C1RL: variants seen among roughly 807,000 people sequenced by gnomAD.
C1RL encodes complement C1r subcomponent like.
A neutral mutation model predicts 27.9 loss-of-function variants in C1RL; 27 were observed. The ratio of observed to expected loss-of-function variants is 0.97; its 90% CI spans 0.71 to 1.33. The LOEUF is 1.33. Ranked by LOEUF, C1RL falls within the 40% of genes most tolerant of loss-of-function variation. The pLI is 0.00. For missense variants in C1RL, 563 were observed against 623.9 expected, an observed-to-expected ratio of 0.90 and a Z score of 1.04; for synonymous variants, 248 against 252.1, an observed-to-expected ratio of 0.98 and a Z score of 0.15.
Position 7,097,049 on chromosome 12 carries a change from C to T in C1RL, c.806G>A (p.Gly269Asp). The T allele has an allele frequency of 1.9e-6, 3 of 1,614,110 alleles. No homozygotes were observed. Among genetic ancestry groups the T allele is most frequent in the South Asian group, 1.1e-5 (1 of 91,086 alleles). Residue 269 changes from glycine (G) to aspartate (D), a missense_variant, in exon 6 of 6, where the codon GGC (glycine) becomes GAC (aspartate). Transcript: ENST00000266542. ...CCATCTGTCCCCCAGCAGGGCCCCG[C>T]CCCCACGGCCGTGGATACTGGTGAA... is the stretch of plus-strand genomic sequence containing the variant. The part of the protein sequence containing the change: ...QAFTSIHGRG[G>D]GALLGDRWIL...
chr12:7,097,270 C>G, intron 5 of C1RL, 107 bp from the exon 6 acceptor site: 1 of 894,704 alleles, frequency 1.1e-6, no homozygotes, highest in Non-Finnish European at 1.6e-6. Context: ...TGAAGAGACT[C>G]TGGGATCAGG....
At chr12:7,108,798 C>G in intron 1 of C1RL, 2 of 552,232 alleles carry the variant, frequency 3.6e-6, no homozygotes, top group Non-Finnish European at 6.4e-6. Context: ...AGATCCCACC[C>G]CACCCTGGGA....
Position 7,100,078 on chromosome 12 carries a change from T to G in C1RL, c.491-52A>C, listed in dbSNP as rs1385393669. ...ACTTGCCAACTGGCAACCCAGGGGC[T>G]GATTCTGGCCCATGGCTATACTTGG... On this transcript the variant is annotated intron_variant, in intron 3 of 5. Coordinates refer to ENST00000266542, the MANE Select transcript of C1RL (RefSeq NM_016546.4). 2.6e-6 allele frequency: 4 copies of G among 1,552,774 alleles called. No homozygotes were observed. The Admixed American group carries it at 7.5e-5, about 29-fold the overall frequency.
Position 7,095,674 on chromosome 12 carries a change from A to C in C1RL, c.*717T>G. The stretch of plus-strand genomic sequence containing the variant: ...AGCGGGTGACACAGCAGGTTAGAGG[A>C]GGGTTGAGAAGTATTGCAGCACACT... On this transcript the variant is annotated 3_prime_UTR_variant, in exon 6 of 6. Transcript: ENST00000266542. 1.0e-6 allele frequency: 1 copy of C among 980,314 alleles called. No homozygotes were observed. Among genetic ancestry groups the C allele is most frequent in the Non-Finnish European group, 1.2e-6 (1 of 825,208 alleles). 60.7% of individuals were successfully genotyped at this position (980,314 alleles called of 1,614,324 possible).
chr12:7,099,677 G>A lies in C1RL; in HGVS notation c.691+9C>T, dbSNP rs1305462289. 6.4e-7 allele frequency: 1 copy of A among 1,552,136 alleles called. No homozygotes were observed. The highest frequency in any genetic ancestry group is 1.2e-5 in the South Asian group (1 of 84,104). ...GTTGGGGGAATGGTGCTAGCAGGTG[G>A]CTACTCACCAGGCATACACTGAAGA... On this transcript the variant is annotated intron_variant, in intron 5 of 5. Transcript: ENST00000266542.
chr12:7,100,057 G>T (rs1323111885), intron 3 of C1RL, 31 bp from the exon 4 acceptor site: 4 of 1,585,246 alleles, frequency 2.5e-6, no homozygotes, highest in Non-Finnish European at 2.6e-6. Context: ...GCACAGACTT[G>T]CCAACTGGCA....
chr12:7,096,856 G>C lies in C1RL; in HGVS notation c.999C>G (p.Ser333=). ...VVHPDYRQNE[S]HNFSGDIALL... ...GGGCGATGTCCCCGCTAAAGTTATGGGACTCATTCTGACGGTAGTCGGGGT... is the reference window on the plus strand; with the variant it reads ...GGGCGATGTCCCCGCTAAAGTTATGCGACTCATTCTGACGGTAGTCGGGGT... Residue 333 remains serine, a synonymous_variant, in exon 6 of 6, where the codon TCC becomes TCG. Coordinates refer to ENST00000266542, the MANE Select transcript of C1RL (RefSeq NM_016546.4). 6.2e-7 allele frequency: 1 copy of C among 1,602,260 alleles called. No homozygotes were observed. The highest frequency in any genetic ancestry group is 1.7e-5 in the Admixed American group (1 of 59,266).
intron 1 of C1RL, 154 bp from the exon 2 acceptor site, chr12:7,108,633 T>G (rs1033028981): frequency 4.9e-6 from 3 of 608,542 alleles, no homozygotes; most frequent in Non-Finnish European, 5.7e-6. Flanking sequence ...GCACTTCCCG[T>G]CTCCTCCCTT....
Position 7,108,238 on chromosome 12 carries a change from A to C in C1RL, c.300+13T>G, listed in dbSNP as rs937280662. The C allele has an allele frequency of 3.8e-6, 6 of 1,571,048 alleles. No individual in the cohort carries two copies. The Admixed American group carries it at 8.7e-5, about 23-fold the overall frequency. On this transcript the variant is annotated intron_variant, in intron 2 of 5. Transcript: ENST00000266542. ...CCACAGTCCTGGCGGGACCCCCCCC[A>C]TCCCCAGCTCACTGTGACAGAGTCC...
chr12:7,099,041 CAA>C (rs35402492), intron 5 of C1RL, among the ~76,000 whole-genome samples: 13,357 of 127,588 alleles, frequency 0.1, 820 homozygotes, highest in African/African-American at 0.17. Context: ...ACTAAAAATA[CAA>C]AAAAAAAAAA....
chr12:7,097,283 GTT>G (rs34071292), intron 5 of C1RL, 120 bp from the exon 6 acceptor site: 196,115 of 602,866 alleles, frequency 0.33, 13,635 homozygotes, highest in African/African-American at 0.42. Flanking sequence ...GGATCAGGAC[GTT>G]TTTTTTTTTT....
chr12:7,102,139 G>T, intron 2 of C1RL, 52 bp from the exon 3 acceptor site: 2 of 1,541,768 alleles, frequency 1.3e-6, no homozygotes, highest in Non-Finnish European at 1.8e-6. Context: ...GTGAATCCGC[G>T]CTGCTGGCAT....
chr12:7,099,966 G>C lies in C1RL; in HGVS notation c.551C>G (p.Pro184Arg). Reference sequence around the variant, plus strand: ...CTGGACCTTGGCAGGGTTGTCTCCAGGTGCGTTGATGGCCTCAGAGCCCCT... The same window carrying C: ...CTGGACCTTGGCAGGGTTGTCTCCACGTGCGTTGATGGCCTCAGAGCCCCT... ...ASRGSEAINA[P>R]GDNPAKVQNH... The change falls in exon 4 of 6, where the codon CCT becomes CGT. Residue 184 changes from proline to arginine, a missense_variant. Coordinates refer to ENST00000266542, the MANE Select transcript of C1RL (RefSeq NM_016546.4). 3.1e-6 allele frequency: 5 copies of C among 1,614,070 alleles called. No homozygotes were observed. The highest frequency in any genetic ancestry group is 4.2e-6 in the Non-Finnish European group (5 of 1,180,016).
Position 7,097,337 on chromosome 12 carries a change from T to C in C1RL, c.692-174A>G, listed in dbSNP as rs775407678. On this transcript the variant is annotated intron_variant, in intron 5 of 5. Transcript: ENST00000266542. ...CGCTCTTGTTGCCCAGACTGGAGCG[T>C]ACTTGCGCGATCTCGGCTCACTGCA... 7 of 597,170 alleles carry C rather than the reference T, an allele frequency of 1.2e-5. No individual in the cohort carries two copies. The East Asian group carries it at 1.6e-4, about 13-fold the overall frequency. The allele number at this position is 597,170 out of a possible 1,614,324, so 37.0% of individuals were successfully genotyped here. A position where few individuals can be genotyped will look rare whatever the true frequency, so the allele number is the denominator to read the frequency against.
At chr12:7,097,686 A>T (rs894568069) in intron 5 of C1RL, among the ~76,000 whole-genome samples, 3 of 152,120 alleles carry the variant, frequency 2.0e-5, no homozygotes, top group African/African-American at 7.2e-5. Context: ...CCTGCATGGG[A>T]CTCAGGACAG....
At chr12:7,101,788 T>G (rs1452956730) in intron 3 of C1RL, 110 bp downstream of exon 3, 4 of 1,196,360 alleles carry the variant, frequency 3.3e-6, no homozygotes, top group Non-Finnish European at 4.9e-6. Flanking sequence ...CAGGTGTCCC[T>G]GAGTCCCCAG....
intron 5 of C1RL, 82 bp downstream of exon 5, chr12:7,099,604 T>C: frequency 6.6e-7 from 1 of 1,518,626 alleles, no homozygotes; most frequent in Non-Finnish European, 8.9e-7. Context: ...ATTCTAAGGC[T>C]TTCCTTTAAC....
At position 7,099,737 on chromosome 12, in the gene C1RL, C is replaced by T; in HGVS notation, c.640G>A (p.Gly214Arg). 3 of 1,572,666 alleles carry T rather than the reference C, an allele frequency of 1.9e-6. No individual in the cohort carries two copies. Among genetic ancestry groups the T allele is most frequent in the South Asian group, 2.3e-5 (2 of 85,892 alleles). ...AAGALTCATP[G>R]TWKDRQDGEE... ...CCATCCTGTCTGTCTTTCCAGGTCC[C>T]TGGGGTTGCACAGGTGAGTGCCCCT... is the stretch of plus-strand genomic sequence containing the variant. Residue 214 changes from glycine to arginine, a missense_variant, in exon 5 of 6, where the codon GGG (glycine) becomes AGG (arginine). Coordinates refer to ENST00000266542, the MANE Select transcript of C1RL (RefSeq NM_016546.4).
Position 7,096,026 on chromosome 12 carries a change from ACT to A in C1RL, c.*363_*364del. ...TACTCTAATAGCGGGTGAGTAGCTG[ACT>A]CTTCCACAGGTGAGTATAAAAGCTG... On this transcript the variant is annotated 3_prime_UTR_variant, in exon 6 of 6. Transcript: ENST00000266542. 5 of 1,028,636 alleles carry A rather than the reference ACT, an allele frequency of 4.9e-6. No homozygotes were observed. The highest frequency in any genetic ancestry group is 5.8e-6 in the Non-Finnish European group (5 of 859,406). The allele number at this position is 1,028,636 out of a possible 1,614,324, so 63.7% of individuals were successfully genotyped here.
Sources: gnomAD v4.1 joint callset for allele counts (sites outside exome capture counted in the v4.1 genomes callset) on GRCh38, gnomAD v4.1.1 for gene constraint, MANE v1.5 for transcripts, NCBI Gene and HGNC (gene_info 2026-07-23, HGNC 2026-07-21) for gene names.